RORA: variants seen among roughly 807,000 people sequenced by gnomAD.
The protein encoded by RORA is nuclear receptor ROR-alpha.
Under a neutral mutation model 69.5 loss-of-function variants are expected in RORA, and 7 were observed. That is an observed-to-expected ratio of 0.10 (90% CI 0.06 to 0.19). The LOEUF (loss-of-function observed/expected upper bound fraction) is 0.19, where lower values mean the gene tolerates loss of function less well. Among genes scored for constraint, RORA ranks in the 10% least tolerant of loss-of-function variants. The probability of loss-of-function intolerance (pLI) is 1.00; values close to 1 mark genes in which losing one functional copy is unlikely to be tolerated. For missense variants in RORA, 457 were observed against 663.0 expected, an observed-to-expected ratio of 0.69 and a Z score of 3.41; for synonymous variants, 261 against 240.8, an observed-to-expected ratio of 1.08 and a Z score of -0.78.
chr15:60,810,184 T>A (rs189148426), intron 1 of RORA, among the ~76,000 whole-genome samples: 1 of 152,212 alleles, frequency 6.6e-6, no homozygotes, highest in African/African-American at 2.4e-5. Context: ...ACCACACATA[T>A]CTAAAAATGT....
intron 1 of RORA, among the ~76,000 whole-genome samples, chr15:60,874,735 ACTTATTTTAAC>A (rs2073594893): frequency 6.6e-6 from 1 of 152,178 alleles, no homozygotes; most frequent in African/African-American, 2.4e-5. Context: ...AAGGACATCC[ACTTATTTTAAC>A]CTTATTTTGC....
chr15:60,997,806 T>G (rs527621938), intron 1 of RORA, among the ~76,000 whole-genome samples: 8 of 152,226 alleles, frequency 5.3e-5, no homozygotes, highest in Non-Finnish European at 1.2e-4. Context: ...TCCTTTAACT[T>G]TGCTTTAGTG....
At chr15:60,533,767 C>A (rs930348) in intron 2 of RORA, among the ~76,000 whole-genome samples, 7,197 of 152,192 alleles carry the variant, frequency 0.047, 610 homozygotes, top group African/African-American at 0.17. Context: ...TAATTAGGCA[C>A]CATGAAGTCC....
intron 1 of RORA, among the ~76,000 whole-genome samples, chr15:60,792,917 T>C (rs972512319): frequency 2.6e-5 from 4 of 152,104 alleles, no homozygotes; most frequent in African/African-American, 7.2e-5. Context: ...CATATAATCA[T>C]ACTTTGCCCT....
rs2078181509 is a variant in RORA, at chr15:61,061,351, T to TG, written c.166+167701_166+167702insC. On this transcript the variant is annotated intron_variant, in intron 1 of 10. Coordinates refer to ENST00000335670, the MANE Select transcript of RORA (RefSeq NM_134261.3). This position sits in a 1 kb window ranked among gnomAD's most constrained non-coding sequence, Gnocchi z 4.4. ...AGGGAGACAGAGCGAGGCTCTATCTTAAAAAATAAATAAATAAATAAATAA... is the reference window on the plus strand; with the variant it reads ...AGGGAGACAGAGCGAGGCTCTATCTTGAAAAAATAAATAAATAAATAAATAA... 9.1e-6 allele frequency among the ~76,000 whole-genome samples: 1 copy of TG among 110,296 alleles called. No individual in the cohort carries two copies. Among genetic ancestry groups the TG allele is most frequent in the African/African-American group, 4.0e-5 (1 of 24,874 alleles). The allele number at this position is 110,296 out of a possible 152,430, so 72.4% of individuals were successfully genotyped here.
intron 2 of RORA, among the ~76,000 whole-genome samples, chr15:60,540,079 T>G (rs899967388): frequency 1.3e-4 from 20 of 152,240 alleles, no homozygotes; most frequent in Non-Finnish European, 2.6e-4. Context: ...CTAATAACGT[T>G]GTTTCCAACA....
intron 1 of RORA, among the ~76,000 whole-genome samples, chr15:60,900,818 G>C (rs1891368586): frequency 6.6e-6 from 1 of 152,106 alleles, no homozygotes; most frequent in Non-Finnish European, 1.5e-5. Flanking sequence ...GTTGCAGTGA[G>C]CTGAGATCGT....
intron 1 of RORA, among the ~76,000 whole-genome samples, chr15:61,215,892 C>A (rs2080036384): frequency 6.6e-6 from 1 of 152,194 alleles, no homozygotes; most frequent in Admixed American, 6.5e-5. Context: ...ATTCACTTTA[C>A]AATGGCACTA....
intron 1 of RORA, among the ~76,000 whole-genome samples, chr15:60,970,106 G>C (rs1893671116): frequency 6.6e-6 from 1 of 152,186 alleles, no homozygotes; most frequent in African/African-American, 2.4e-5. Flanking sequence ...AGAGGCCTCA[G>C]AATGAAACCT....
intron 1 of RORA, among the ~76,000 whole-genome samples, chr15:61,102,104 C>T (rs1322936870): frequency 6.6e-6 from 1 of 152,132 alleles, no homozygotes; most frequent in Admixed American, 6.5e-5. Context: ...TTTCTCCCAG[C>T]CCTCAGCACA....
intron 2 of RORA, among the ~76,000 whole-genome samples, chr15:60,646,896 C>T (rs769274799): frequency 2.0e-5 from 3 of 152,134 alleles, no homozygotes; most frequent in Admixed American, 6.5e-5. Context: ...AGGGTGGCTG[C>T]GGAGCTTAAT....
chr15:60,771,772 C>T (rs2072080268), intron 1 of RORA, among the ~76,000 whole-genome samples: 1 of 152,156 alleles, frequency 6.6e-6, no homozygotes, highest in Non-Finnish European at 1.5e-5. Context: ...GTGGGCAAGC[C>T]ACTTGTTCTC....
At chr15:60,805,489 G>A (rs1567197370) in intron 1 of RORA, among the ~76,000 whole-genome samples, 1 of 152,222 alleles carries the variant, frequency 6.6e-6, no homozygotes, top group Non-Finnish European at 1.5e-5. Flanking sequence ...CTTACCGGAT[G>A]TGCAACCTTG....
At chr15:60,715,355 G>A (rs2071206363) in intron 1 of RORA, among the ~76,000 whole-genome samples, 1 of 152,228 alleles carries the variant, frequency 6.6e-6, no homozygotes, top group Non-Finnish European at 1.5e-5. Context: ...ATGTGGCACA[G>A]TCAGCTGTAA....
chr15:61,110,603 A>G (rs1249713812), intron 1 of RORA, among the ~76,000 whole-genome samples: 2 of 152,156 alleles, frequency 1.3e-5, no homozygotes, highest in African/African-American at 4.8e-5. Context: ...TTGCTGTTAT[A>G]GGCGAGGACA....
chr15:60,992,433 C>G (rs1894410194), intron 1 of RORA, among the ~76,000 whole-genome samples: 1 of 152,140 alleles, frequency 6.6e-6, no homozygotes, highest in Admixed American at 6.5e-5. Context: ...TACAAATTTG[C>G]CCTTACAACC....
chr15:60,951,069 C>T (rs1595841093), intron 1 of RORA, among the ~76,000 whole-genome samples: 1 of 151,174 alleles, frequency 6.6e-6, no homozygotes, highest in Non-Finnish European at 1.5e-5. Flanking sequence ...TGTAAAAGAA[C>T]AGAGATTATA....
chr15:60,958,419 G>A (rs184450010), intron 1 of RORA, among the ~76,000 whole-genome samples: 2 of 152,218 alleles, frequency 1.3e-5, no homozygotes, highest in African/African-American at 4.8e-5. Context: ...GCCTTGCCTA[G>A]AGGTGGAGAG....
At chr15:61,028,365 C>T (rs907322843) in intron 1 of RORA, among the ~76,000 whole-genome samples, 51 of 152,242 alleles carry the variant, frequency 3.3e-4, no homozygotes, top group African/African-American at 1.2e-3. Flanking sequence ...TTCATACAAA[C>T]GGTCTAGATA....
Sources: allele counts gnomAD v4.1 joint callset (sites outside exome capture counted in the v4.1 genomes callset), GRCh38; gene constraint gnomAD v4.1.1; non-coding constraint Gnocchi (gnomAD v3.1); transcripts MANE v1.5; gene names NCBI Gene and HGNC (gene_info 2026-07-23, HGNC 2026-07-21).